The following SLC10A1 variants were observed in gnomAD, a reference collection of about 807,000 sequenced individuals.
The protein encoded by SLC10A1 is solute carrier family 10 member 1, also known as hepatic sodium/bile acid cotransporter.
A neutral mutation model predicts 20.5 loss-of-function variants in SLC10A1; 36 were observed. The ratio of observed to expected loss-of-function variants is 1.75; its 90% CI spans 1.34 to 2.32. SLC10A1 has a LOEUF of 2.32. SLC10A1 is among the 30% of genes most tolerant of loss of function. The pLI is 0.00. For synonymous variants in SLC10A1, 188 were observed against 163.6 expected (o/e 1.15, Z -1.14); for missense variants, 545 against 439.1 (o/e 1.24, Z -2.16).
At chr14:69,788,015 G>A (rs1253747026) in intron 1 of SLC10A1, among the ~76,000 whole-genome samples, 1 of 151,864 alleles carries the variant, frequency 6.6e-6, no homozygotes, top group Non-Finnish European at 1.5e-5. Flanking sequence ...AGCTATGTTA[G>A]CGCCACTCCA....
chr14:69,784,924 A>G (rs1235766349), intron 2 of SLC10A1, among the ~76,000 whole-genome samples: 1 of 152,128 alleles, frequency 6.6e-6, no homozygotes, highest in African/African-American at 2.4e-5. Context: ...AAGGGCAAAA[A>G]CTACTCTTGA....
intron 1 of SLC10A1, among the ~76,000 whole-genome samples, chr14:69,788,090 C>T (rs1241787574): frequency 6.6e-6 from 1 of 151,758 alleles, no homozygotes; most frequent in Non-Finnish European, 1.5e-5. Context: ...CAAGCTGAAG[C>T]TTCATAGAGG....
chr14:69,775,585 G>A lies in SLC10A1; in HGVS notation c.*697C>T, dbSNP rs1455318349. The A allele has an allele frequency of 2.0e-5, 3 of 152,170 alleles. No homozygotes were observed. Among genetic ancestry groups the A allele is most frequent in the African/African-American group, 7.2e-5 (3 of 41,432 alleles). 9.4% of individuals were successfully genotyped at this position (152,170 alleles called of 1,614,324 possible). A position where few individuals can be genotyped will look rare whatever the true frequency, so the allele number is the denominator to read the frequency against. Reference sequence around the variant, plus strand: ...CCAAATACCTACTGAACTTAAAAAAGAGATTATTAGTGAGGTAACATTGTG... The same window carrying A: ...CCAAATACCTACTGAACTTAAAAAAAAGATTATTAGTGAGGTAACATTGTG... On this transcript the variant is annotated 3_prime_UTR_variant, in exon 5 of 5. Coordinates refer to ENST00000216540, the MANE Select transcript of SLC10A1 (RefSeq NM_003049.4).
chr14:69,793,054 T>C (rs1473972384), intron 1 of SLC10A1, among the ~76,000 whole-genome samples: 3 of 150,096 alleles, frequency 2.0e-5, no homozygotes, highest in Non-Finnish European at 4.4e-5. Flanking sequence ...ATACAGGGGG[T>C]TTCAATGCTA....
intron 1 of SLC10A1, among the ~76,000 whole-genome samples, chr14:69,789,343 A>G (rs1406356155): frequency 2.6e-5 from 4 of 152,268 alleles, no homozygotes; most frequent in African/African-American, 9.6e-5. Flanking sequence ...AGCAAAATGT[A>G]TTATATCCAT....
intron 2 of SLC10A1, among the ~76,000 whole-genome samples, chr14:69,781,503 A>C (rs1305620258): frequency 6.6e-6 from 1 of 152,238 alleles, no homozygotes; most frequent in African/African-American, 2.4e-5. Flanking sequence ...AGGATTACAG[A>C]GAGGGAAGCA....
intron 2 of SLC10A1, among the ~76,000 whole-genome samples, chr14:69,780,572 A>G (rs1883567624): frequency 6.6e-6 from 1 of 152,208 alleles, no homozygotes; most frequent in African/African-American, 2.4e-5. Context: ...GTACATTCAT[A>G]ATGTCCTAAC....
Position 69,779,361 on chromosome 14 carries a change from C to T in SLC10A1, c.568-1G>A, listed in dbSNP as rs777701095. 48 of 1,603,182 alleles carry T rather than the reference C, an allele frequency of 3.0e-5. No homozygotes were observed. The highest frequency in any genetic ancestry group is 3.3e-4 in the Middle Eastern group (2 of 6,032). ...ACAAGAGAATGATGATCATCCCTCCCTGGGAATGAAGACAAGAAAAGGCAA... is the reference window on the plus strand; with the variant it reads ...ACAAGAGAATGATGATCATCCCTCCTTGGGAATGAAGACAAGAAAAGGCAA... On this transcript the variant is annotated splice_acceptor_variant, in intron 2 of 4. Transcript: ENST00000216540. LOFTEE classifies it high-confidence loss of function.
intron 1 of SLC10A1, among the ~76,000 whole-genome samples, chr14:69,795,448 C>T (rs1021945697): frequency 1.3e-5 from 2 of 150,536 alleles, no homozygotes; most frequent in Non-Finnish European, 3.0e-5. Flanking sequence ...CTCTGTTGCC[C>T]AGGCTGGAGT....
Position 69,776,213 on chromosome 14 carries a change from T to G in SLC10A1, c.*69A>C, listed in dbSNP as rs1883441611. On this transcript the variant is annotated 3_prime_UTR_variant, in exon 5 of 5. Transcript: ENST00000216540. ...CAGGCAAGACTGGTGTTTTTGCTGC[T>G]CTCTCTAGTTTACCACACTGGCTTT... The G allele has an allele frequency of 2.7e-6, 3 of 1,108,910 alleles. No homozygotes were observed. Among genetic ancestry groups the G allele is most frequent in the Admixed American group, 2.0e-5 (1 of 50,574 alleles). The allele number at this position is 1,108,910 out of a possible 1,614,324, so 68.7% of individuals were successfully genotyped here. A position where few individuals can be genotyped will look rare whatever the true frequency, so the allele number is the denominator to read the frequency against.
At chr14:69,778,957 T>C (rs928496494) in intron 3 of SLC10A1, among the ~76,000 whole-genome samples, 1 of 151,996 alleles carries the variant, frequency 6.6e-6, no homozygotes, top group Non-Finnish European at 1.5e-5. Context: ...TTGAGCTCAT[T>C]AGTTCAAAAC....
intron 2 of SLC10A1, among the ~76,000 whole-genome samples, chr14:69,780,200 C>T (rs574435248): frequency 3.3e-5 from 5 of 152,184 alleles, no homozygotes; most frequent in Non-Finnish European, 7.3e-5. Context: ...CTATGCAGGT[C>T]TACTCTGAAT....
chr14:69,780,386 T>TAACA (rs58654189), intron 2 of SLC10A1, among the ~76,000 whole-genome samples: 55,526 of 151,914 alleles, frequency 0.37, 12,072 homozygotes, highest in African/African-American at 0.61. Flanking sequence ...AAGAAATACT[T>TAACA]AACTTTTCTC....
intron 1 of SLC10A1, among the ~76,000 whole-genome samples, chr14:69,787,499 C>CGAGG (rs1411941448): frequency 1.4e-5 from 1 of 70,958 alleles, no homozygotes; most frequent in Non-Finnish European, 3.3e-5. Flanking sequence ...GCCCTACCCT[C>CGAGG]CATCTACACT....
Position 69,775,604 on chromosome 14 carries a change from C to T in SLC10A1, c.*678G>A, listed in dbSNP as rs1883428461. On this transcript the variant is annotated 3_prime_UTR_variant, in exon 5 of 5. Transcript: ENST00000216540. ...AAAAAAGAGATTATTAGTGAGGTAA[C>T]ATTGTGTTAATGTATGTGTTTGTTT... 1 of 152,200 alleles carries T rather than the reference C, an allele frequency of 6.6e-6. No homozygotes were observed. The highest frequency in any genetic ancestry group is 1.9e-4 in the East Asian group (1 of 5,202). 9.4% of individuals were successfully genotyped at this position (152,200 alleles called of 1,614,324 possible).
intron 2 of SLC10A1, among the ~76,000 whole-genome samples, chr14:69,785,753 A>C (rs10145643): frequency 6.7e-6 from 1 of 148,710 alleles, no homozygotes; most frequent in African/African-American, 2.5e-5. Flanking sequence ...ACTCGCTACC[A>C]TGCCCGGCTA....
intron 1 of SLC10A1, among the ~76,000 whole-genome samples, chr14:69,796,332 G>A (rs954932636): frequency 3.9e-5 from 6 of 152,220 alleles, no homozygotes; most frequent in African/African-American, 1.4e-4. Flanking sequence ...GGACCTTTTG[G>A]AAATTCTTGC....
chr14:69,784,787 G>A (rs1336357015), intron 2 of SLC10A1, among the ~76,000 whole-genome samples: 1 of 152,096 alleles, frequency 6.6e-6, no homozygotes. Flanking sequence ...TGAGTACAAG[G>A]GTAGAGAGAA....
chr14:69,792,833 CA>C (rs4646288), intron 1 of SLC10A1, among the ~76,000 whole-genome samples: 97,141 of 122,220 alleles, frequency 0.79, 39,474 homozygotes, highest in East Asian at 0.93. Context: ...GCCTATTTCT[CA>C]AAAAAAAAAA....
Sources: allele counts gnomAD v4.1 joint callset (sites outside exome capture counted in the v4.1 genomes callset), GRCh38; gene constraint gnomAD v4.1.1; transcripts MANE v1.5; gene names NCBI Gene and HGNC (gene_info 2026-07-23, HGNC 2026-07-21).